The following QKI variants were observed in gnomAD, a reference collection of about 807,000 sequenced individuals.
The protein encoded by QKI is KH domain-containing RNA-binding protein QKI.
A neutral mutation model predicts 39.0 loss-of-function variants in QKI; 10 were observed. That is an observed-to-expected ratio of 0.26 (90% CI 0.16 to 0.43). The LOEUF is 0.43. QKI is among the 20% of genes least tolerant of loss of function. The probability of loss-of-function intolerance (pLI) is 1.00; values close to 1 mark genes in which losing one functional copy is unlikely to be tolerated. For synonymous variants in QKI, 204 were observed against 155.4 expected (o/e 1.31, Z -2.33); for missense variants, 218 against 428.0 (o/e 0.51, Z 4.33).
chr6:163,481,313 T>C (rs959428737), intron 3 of QKI, among the ~76,000 whole-genome samples: 2 of 152,232 alleles, frequency 1.3e-5, no homozygotes, highest in Non-Finnish European at 2.9e-5. Context: ...TTGCCTGTTT[T>C]ACTTTTAACA....
At chr6:163,499,979 G>A (rs1417739793) in intron 3 of QKI, among the ~76,000 whole-genome samples, 1 of 152,168 alleles carries the variant, frequency 6.6e-6, no homozygotes, top group Non-Finnish European at 1.5e-5. Context: ...GAAGGACTCT[G>A]AGGAAGTTAC....
At position 163,572,166 on chromosome 6, in the gene QKI, C is replaced by T. The variant is rs1172846596; in HGVS notation, c.*1456C>T. 6.6e-6 allele frequency: 1 copy of T among 152,052 alleles called. No homozygotes were observed. The highest frequency in any genetic ancestry group is 1.5e-5 in the Non-Finnish European group (1 of 67,996). 9.4% of individuals were successfully genotyped at this position (152,052 alleles called of 1,614,324 possible). A position where few individuals can be genotyped will look rare whatever the true frequency, so the allele number is the denominator to read the frequency against. ...GTTATTCCAATCTTCAATGTTAACC[C>T]AAAGGATTCTGAGATAAAAATTATG... On this transcript the variant is annotated 3_prime_UTR_variant, in exon 8 of 8. Transcript: ENST00000361752.
Position 163,535,130 on chromosome 6 carries a change from GTAA to G in QKI, c.546+10_546+12del. 1 of 1,576,416 alleles carries G rather than the reference GTAA, an allele frequency of 6.3e-7. No individual in the cohort carries two copies. The highest frequency in any genetic ancestry group is 8.6e-7 in the Non-Finnish European group (1 of 1,164,472). On this transcript the variant is annotated splice_donor_region_variant and intron_variant, in intron 4 of 7. Transcript: ENST00000361752. ...AAGAAATTATTGGTACCTGCAGTAAGTAATAATTTCCAGACCTTAGATTTGGGC... is the reference window on the plus strand; with the variant it reads ...AAGAAATTATTGGTACCTGCAGTAAGTAATTTCCAGACCTTAGATTTGGGC...
chr6:163,440,229 A>T (rs1789664391), intron 1 of QKI, among the ~76,000 whole-genome samples: 1 of 152,206 alleles, frequency 6.6e-6, no homozygotes, highest in Non-Finnish European at 1.5e-5. Flanking sequence ...AACCAAATTT[A>T]ACTTTGGGGA....
intron 3 of QKI, among the ~76,000 whole-genome samples, chr6:163,520,931 A>G (rs1780114626): frequency 6.6e-6 from 1 of 152,152 alleles, no homozygotes; most frequent in African/African-American, 2.4e-5. Context: ...TAGGATTATT[A>G]TGGGTTTTGG....
chr6:163,488,376 T>G (rs2128227755), intron 3 of QKI, among the ~76,000 whole-genome samples: 1 of 152,254 alleles, frequency 6.6e-6, no homozygotes, highest in East Asian at 1.9e-4. Flanking sequence ...GAGATTATAG[T>G]CTGGGCTCTA....
chr6:163,432,207 A>G (rs909848145), intron 1 of QKI, among the ~76,000 whole-genome samples: 4 of 152,164 alleles, frequency 2.6e-5, no homozygotes, highest in African/African-American at 9.7e-5. Context: ...TAAGAATACA[A>G]TCAAGCATCT....
intron 7 of QKI, chr6:163,569,067 AC>A: frequency 1.0e-6 from 1 of 957,842 alleles, no homozygotes; most frequent in Non-Finnish European, 1.2e-6. Context: ...TTTAATCAAA[AC>A]TATGAGTAAC....
intron 3 of QKI, among the ~76,000 whole-genome samples, chr6:163,520,795 C>G (rs747070441): frequency 2.0e-5 from 3 of 152,184 alleles, no homozygotes; most frequent in African/African-American, 4.8e-5. Flanking sequence ...TTAATATACT[C>G]TGCTGCATTA....
At chr6:163,552,919 G>C (rs1474497224) in intron 4 of QKI, among the ~76,000 whole-genome samples, 1 of 151,570 alleles carries the variant, frequency 6.6e-6, no homozygotes, top group Non-Finnish European at 1.5e-5. Context: ...ACATCTTTTA[G>C]GTTCTGCCCA....
At chr6:163,494,381 C>T (rs531777952) in intron 3 of QKI, among the ~76,000 whole-genome samples, 3 of 152,246 alleles carry the variant, frequency 2.0e-5, no homozygotes, top group South Asian at 2.1e-4. Context: ...ACTGTAGTAA[C>T]GTTTTGTTCA....
At chr6:163,521,491 A>T (rs532899993) in intron 3 of QKI, among the ~76,000 whole-genome samples, 3 of 152,150 alleles carry the variant, frequency 2.0e-5, no homozygotes, top group African/African-American at 7.2e-5. Context: ...CAAGAAAAAA[A>T]TCATGACATC....
chr6:163,560,993 T>A (rs1452845129), intron 4 of QKI, among the ~76,000 whole-genome samples: 1 of 152,186 alleles, frequency 6.6e-6, no homozygotes, highest in African/African-American at 2.4e-5. Context: ...TTAGTGCCCA[T>A]TTTTGCTTTT....
chr6:163,429,641 A>C (rs1156527922), intron 1 of QKI, among the ~76,000 whole-genome samples: 2 of 152,100 alleles, frequency 1.3e-5, no homozygotes, highest in Non-Finnish European at 2.9e-5. Flanking sequence ...CCAAACTCTT[A>C]TTTTTGCAAT....
intron 1 of QKI, among the ~76,000 whole-genome samples, chr6:163,433,697 G>A (rs1458817762): frequency 1.3e-5 from 2 of 152,088 alleles, no homozygotes; most frequent in African/African-American, 2.4e-5. Flanking sequence ...AACCTGGGAG[G>A]CAGAGGTTGC....
intron 3 of QKI, among the ~76,000 whole-genome samples, chr6:163,490,404 C>T (rs892020001): frequency 6.6e-6 from 1 of 152,098 alleles, no homozygotes; most frequent in Non-Finnish European, 1.5e-5. Context: ...ACTGATGCAG[C>T]GGAGATGATA....
chr6:163,516,393 C>T (rs1341123968), intron 3 of QKI, among the ~76,000 whole-genome samples: 3 of 152,128 alleles, frequency 2.0e-5, no homozygotes, highest in African/African-American at 7.2e-5. Flanking sequence ...CTCCCAGTTT[C>T]AAGCAGTTCT....
In QKI at chr6:163,415,112, GCCGGGGCTCGCCCCCGC is replaced by G. The variant is rs1351541325; in HGVS notation, c.-79_-63del. The G allele has an allele frequency of 9.3e-7, 1 of 1,073,880 alleles. No individual in the cohort carries two copies. Among genetic ancestry groups the G allele is most frequent in the African/African-American group, 1.7e-5 (1 of 58,038 alleles). 66.5% of individuals were successfully genotyped at this position (1,073,880 alleles called of 1,614,324 possible). ...GACGCCGGGTCCCGAGCGGCCCGCG[GCCGGGGCTCGCCCCCGC>G]CCCTCCCTCCTCTCCGGCGGCGGCG... On this transcript the variant is annotated 5_prime_UTR_variant, in exon 1 of 8. Coordinates refer to ENST00000361752, the MANE Select transcript of QKI (RefSeq NM_006775.3).
intron 2 of QKI, among the ~76,000 whole-genome samples, chr6:163,464,722 G>T (rs973402286): frequency 2.6e-5 from 4 of 152,108 alleles, no homozygotes; most frequent in African/African-American, 9.7e-5. Context: ...AGAAGCCCAA[G>T]AGCAGACAGC....
Sources: allele counts gnomAD v4.1 joint callset (sites outside exome capture counted in the v4.1 genomes callset), GRCh38; gene constraint gnomAD v4.1.1; transcripts MANE v1.5; gene names NCBI Gene and HGNC (gene_info 2026-07-23, HGNC 2026-07-21).